DAPK2: variants seen among roughly 807,000 people sequenced by gnomAD.
The protein encoded by DAPK2 is death associated protein kinase 2.
In DAPK2, 35 loss-of-function variants were observed where a neutral mutation model predicts 44.1. The ratio of observed to expected loss-of-function variants is 0.79; its 90% CI spans 0.61 to 1.05. The LOEUF (loss-of-function observed/expected upper bound fraction) is 1.05. DAPK2 is among the 50% of genes least tolerant of loss of function. The pLI is 0.00. For synonymous variants in DAPK2, 174 were observed against 182.6 expected, an observed-to-expected ratio of 0.95 and a Z score of 0.38; for missense variants, 453 against 483.2, an observed-to-expected ratio of 0.94 and a Z score of 0.59.
intron 1 of DAPK2, among the ~76,000 whole-genome samples, chr15:63,991,516 A>G (rs1363366484): frequency 4.6e-5 from 7 of 152,182 alleles, no homozygotes; most frequent in Non-Finnish European, 1.0e-4. Flanking sequence ...ACCCTCTCTC[A>G]AATCTTTCAC....
At chr15:63,969,737 CTA>C (rs141734705) in intron 3 of DAPK2, among the ~76,000 whole-genome samples, 3,949 of 110,962 alleles carry the variant, frequency 0.036, 92 homozygotes, top group South Asian at 0.27. Context: ...GAGACTATCT[CTA>C]TTAAAAAAAA....
intron 1 of DAPK2, among the ~76,000 whole-genome samples, chr15:64,028,316 C>T (rs2141125570): frequency 6.6e-6 from 1 of 152,344 alleles, no homozygotes; most frequent in South Asian, 2.1e-4. Context: ...GCCTTAGCCT[C>T]CCAAAGTGCT....
At chr15:64,018,048 C>G (rs332286) in intron 1 of DAPK2, among the ~76,000 whole-genome samples, 125,759 of 152,176 alleles carry the variant, frequency 0.83, 52,252 homozygotes, top group East Asian at 0.92. Flanking sequence ...AGCTGCCTGG[C>G]CCAAAAAAGT....
chr15:63,969,190 G>A (rs1290703491), intron 3 of DAPK2, among the ~76,000 whole-genome samples: 2 of 151,636 alleles, frequency 1.3e-5, no homozygotes, highest in Non-Finnish European at 2.9e-5. Flanking sequence ...AGGCTGAAGT[G>A]GGCAGATTGC....
At chr15:63,936,979 CAAAA>C (rs56052031) in intron 4 of DAPK2, among the ~76,000 whole-genome samples, 62,834 of 129,838 alleles carry the variant, frequency 0.48, 14,970 homozygotes, top group East Asian at 0.88. Context: ...GACCCTGTCT[CAAAA>C]AAAAAAAAAA....
chr15:63,988,508 T>A (rs995762438), intron 1 of DAPK2, among the ~76,000 whole-genome samples: 2 of 127,672 alleles, frequency 1.6e-5, no homozygotes, highest in African/African-American at 6.8e-5. Flanking sequence ...CAGCTTTTCC[T>A]TTTTTTTTTT....
upstream of DAPK2, chr15:64,046,326 GC>G (rs1486500168): frequency 1.1e-3 from 1,073 of 958,912 alleles, 19 homozygotes; most frequent in African/African-American, 0.024. This position sits in a 1 kb window ranked among gnomAD's most constrained non-coding sequence, Gnocchi z 5.3. Flanking sequence ...CGCGGTCGCG[GC>G]CGCGGCAGGC....
chr15:63,959,034 C>A (rs552936793), intron 3 of DAPK2, among the ~76,000 whole-genome samples: 3 of 152,280 alleles, frequency 2.0e-5, no homozygotes, highest in African/African-American at 7.2e-5. Context: ...TTTCATTGAG[C>A]AGTGGTTTGT....
intron 1 of DAPK2, among the ~76,000 whole-genome samples, chr15:64,039,151 T>C (rs1184165117): frequency 6.6e-6 from 1 of 152,216 alleles, no homozygotes; most frequent in Non-Finnish European, 1.5e-5. Context: ...GAGGCTGTCA[T>C]GGGCATGCGT....
intron 3 of DAPK2, among the ~76,000 whole-genome samples, chr15:63,945,007 C>T (rs1280234183): frequency 6.6e-6 from 1 of 152,182 alleles, no homozygotes; most frequent in African/African-American, 2.4e-5. Flanking sequence ...TCCCCCTCAA[C>T]CCTGCCTCCC....
chr15:63,979,863 C>A (rs757203035), intron 2 of DAPK2, among the ~76,000 whole-genome samples: 1 of 152,108 alleles, frequency 6.6e-6, no homozygotes, highest in East Asian at 1.9e-4. Context: ...TGCAGTGAGC[C>A]GAGATCACGC....
At chr15:64,011,518 A>G (rs1453059463) in intron 1 of DAPK2, among the ~76,000 whole-genome samples, 1 of 152,210 alleles carries the variant, frequency 6.6e-6, no homozygotes, top group Non-Finnish European at 1.5e-5. Flanking sequence ...CCTAGACTCA[A>G]AACACTCAAG....
chr15:63,983,184 TG>T (rs1453800802), intron 2 of DAPK2, among the ~76,000 whole-genome samples: 3 of 152,054 alleles, frequency 2.0e-5, no homozygotes, highest in Non-Finnish European at 1.5e-5. Context: ...CCCCACCATC[TG>T]TCCCACTCAC....
At chr15:63,999,454 G>C (rs2079029025) in intron 1 of DAPK2, among the ~76,000 whole-genome samples, 1 of 152,148 alleles carries the variant, frequency 6.6e-6, no homozygotes, top group African/African-American at 2.4e-5. Flanking sequence ...ACAGCAGCTT[G>C]CCCAAGGTCA....
intron 1 of DAPK2, among the ~76,000 whole-genome samples, chr15:64,033,326 A>AAGGAAGG (rs150809859): frequency 0.045 from 5,797 of 129,944 alleles, 193 homozygotes; most frequent in Middle Eastern, 0.1. Context: ...GGAAGGAAGG[A>AAGGAAGG]AAAAAAAAAT....
At chr15:63,942,501 G>A (rs750648517) in intron 3 of DAPK2, among the ~76,000 whole-genome samples, 2 of 151,696 alleles carry the variant, frequency 1.3e-5, no homozygotes, top group Non-Finnish European at 2.9e-5. Flanking sequence ...GCAGTGAGCC[G>A]AGAACACACT....
In DAPK2 at chr15:64,036,398, A is replaced by G. The variant is rs189752318; in HGVS notation, c.92+3772T>C. Among the ~76,000 whole-genome samples, 193 of 134,822 alleles carry G rather than the reference A, an allele frequency of 1.4e-3. 2 individuals carry two copies. The highest frequency in any genetic ancestry group is 1.1e-3 in the East Asian group (5 of 4,532). The allele number at this position is 134,822 out of a possible 152,430, so 88.4% of individuals were successfully genotyped here. A position where few individuals can be genotyped will look rare whatever the true frequency, so the allele number is the denominator to read the frequency against. On this transcript the variant is annotated intron_variant, in intron 1 of 10. Transcript: ENST00000261891. ...AACAGGAAAATGCCCATATGCATGC[A>G]TGTCTTCATATAAATACTCATAAAA...
intron 1 of DAPK2, among the ~76,000 whole-genome samples, chr15:64,038,211 A>C (rs796960404): frequency 6.6e-5 from 10 of 152,222 alleles, no homozygotes; most frequent in African/African-American, 2.4e-4. Context: ...CCTTGTTAGC[A>C]TGTATGTAAC....
Position 64,046,223 on chromosome 15 carries a change from C to T in DAPK2, c.-7+75G>A, listed in dbSNP as rs1486772831. On this transcript the variant is annotated intron_variant, in intron 1 of 11. Coordinates refer to the DAPK2 transcript ENST00000457488. This position sits in a 1 kb window ranked among gnomAD's most constrained non-coding sequence, Gnocchi z 5.3. ...CCCGGATCTCTTCGCCCCGCCAGCC[C>T]CAGACCCGGGCGCTGCTGCCGTCAG... 1.6e-6 allele frequency: 1 copy of T among 626,892 alleles called. No homozygotes were observed. Among genetic ancestry groups the T allele is most frequent in the Non-Finnish European group, 2.0e-6 (1 of 501,768 alleles). 38.8% of individuals were successfully genotyped at this position (626,892 alleles called of 1,614,324 possible).
Sources: gnomAD v4.1 joint callset for allele counts (sites outside exome capture counted in the v4.1 genomes callset) on GRCh38, gnomAD v4.1.1 for gene constraint, Gnocchi (gnomAD v3.1) non-coding constraint, MANE v1.5 for transcripts, NCBI Gene and HGNC (gene_info 2026-07-23, HGNC 2026-07-21) for gene names.